Variants in ARHGEF7 observed in about 807,000 individuals in gnomAD.
The protein encoded by ARHGEF7 is Rho guanine nucleotide exchange factor 7, also known as PAK-interacting exchange factor beta.
Under a neutral mutation model 109.8 loss-of-function variants are expected in ARHGEF7, and 33 were observed. The observed-to-expected ratio is 0.30, with a 90% CI of 0.23 to 0.40. ARHGEF7 has a LOEUF of 0.40. Ranked by LOEUF, ARHGEF7 falls within the 10% of genes least tolerant of loss-of-function variation. The pLI is 1.00. For synonymous variants in ARHGEF7, 458 were observed against 424.6 expected (o/e 1.08, Z -0.97); for missense variants, 938 against 1,098.5 (o/e 0.85, Z 2.07).
chr13:111,171,103 A>G (rs1287334428), intron 2 of ARHGEF7, among the ~76,000 whole-genome samples: 1 of 152,262 alleles, frequency 6.6e-6, no homozygotes, highest in Non-Finnish European at 1.5e-5. Context: ...CTCAAATGAA[A>G]GAACTGGCTT....
intron 1 of ARHGEF7, among the ~76,000 whole-genome samples, chr13:111,124,705 G>A (rs774921812): frequency 1.1e-4 from 17 of 152,162 alleles, no homozygotes; most frequent in Non-Finnish European, 2.4e-4. Flanking sequence ...CCCATCCTCC[G>A]TCTGCTCCCT....
intron 19 of ARHGEF7, chr13:111,294,475 T>A (rs2093380106): frequency 1.0e-6 from 1 of 985,370 alleles, no homozygotes; most frequent in South Asian, 4.7e-5. Flanking sequence ...CACCAAAGTT[T>A]TGACGGTTTA....
chr13:111,261,767 A>G (rs900575937), intron 8 of ARHGEF7, among the ~76,000 whole-genome samples: 1 of 152,256 alleles, frequency 6.6e-6, no homozygotes, highest in Non-Finnish European at 1.5e-5. Flanking sequence ...AATTTTATCA[A>G]GATTCTTCTG....
intron 4 of ARHGEF7, among the ~76,000 whole-genome samples, chr13:111,213,325 C>G (rs1346513081): frequency 1.3e-5 from 2 of 152,170 alleles, no homozygotes. Flanking sequence ...GGGGAACTGT[C>G]TTCACTCCCC....
rs200352471 is a variant in ARHGEF7, at chr13:111,128,303, AATTGT to A, written c.165+12615_165+12619del. On this transcript the variant is annotated intron_variant, in intron 1 of 21. Transcript: ENST00000646102. Reference sequence around the variant, plus strand: ...GTGTAGACTATATGATTGTGTAGGAAATTGTATAGGATCTACAAAATAGCTACTAG... The same window carrying A: ...GTGTAGACTATATGATTGTGTAGGAAATAGGATCTACAAAATAGCTACTAG... Among the ~76,000 whole-genome samples the A allele has an allele frequency of 9.1e-3, 1,389 of 152,322 alleles. 21 individuals carry two copies. Among genetic ancestry groups the A allele is most frequent in the African/African-American group, 0.027 (1,102 of 41,564 alleles).
intron 1 of ARHGEF7, among the ~76,000 whole-genome samples, chr13:111,141,447 G>C (rs2075344594): frequency 6.6e-6 from 1 of 152,104 alleles, no homozygotes; most frequent in Non-Finnish European, 1.5e-5. Context: ...AGCTATGGGG[G>C]AAGTGTCGCA....
chr13:111,159,396 T>C (rs1161002240), intron 2 of ARHGEF7, among the ~76,000 whole-genome samples: 2 of 152,210 alleles, frequency 1.3e-5, no homozygotes, highest in Non-Finnish European at 2.9e-5. Context: ...TTTGGCTATA[T>C]ACCCAGTAGT....
intron 8 of ARHGEF7, among the ~76,000 whole-genome samples, chr13:111,261,109 A>G (rs1455234031): frequency 3.3e-5 from 5 of 152,206 alleles, no homozygotes; most frequent in Admixed American, 3.3e-4. Flanking sequence ...ACAAATGACA[A>G]AATGGCAAGA....
chr13:111,273,739 G>T lies in ARHGEF7; in HGVS notation c.1074-75G>T. The T allele has an allele frequency of 3.2e-6, 5 of 1,582,628 alleles. No homozygotes were observed. Among genetic ancestry groups the T allele is most frequent in the Non-Finnish European group, 4.3e-6 (5 of 1,154,140 alleles). ...TTATGTTTCATAAATTCTGGCTGTTGCTCATGGAGATGAGAGAGCCACCAT... is the reference window on the plus strand; with the variant it reads ...TTATGTTTCATAAATTCTGGCTGTTTCTCATGGAGATGAGAGAGCCACCAT... On this transcript the variant is annotated intron_variant, in intron 9 of 21. Coordinates refer to ENST00000646102, the MANE Select transcript of ARHGEF7 (RefSeq NM_001354046.2). The surrounding 1 kb of genome is among the most constrained non-coding windows in gnomAD (Gnocchi z 4.5).
intron 2 of ARHGEF7, among the ~76,000 whole-genome samples, chr13:111,183,142 A>G (rs1275500711): frequency 1.3e-5 from 2 of 152,206 alleles, no homozygotes; most frequent in African/African-American, 2.4e-5. Flanking sequence ...CAAGGTGTAA[A>G]TAGTCAAGAG....
intron 2 of ARHGEF7, among the ~76,000 whole-genome samples, chr13:111,168,861 G>A (rs920321841): frequency 6.6e-6 from 1 of 152,234 alleles, no homozygotes; most frequent in African/African-American, 2.4e-5. Context: ...AAGTGTTTAT[G>A]GAAGCCAGGA....
intron 9 of ARHGEF7, among the ~76,000 whole-genome samples, chr13:111,268,546 TCGTCA>T (rs2091871113): frequency 6.6e-6 from 1 of 152,238 alleles, no homozygotes; most frequent in African/African-American, 2.4e-5. Context: ...ACTGAAAGCC[TCGTCA>T]GTGAACAGGT....
chr13:111,217,640 C>A, intron 4 of ARHGEF7, 39 bp from the exon 5 acceptor site: 1 of 1,544,624 alleles, frequency 6.5e-7, no homozygotes. Flanking sequence ...GTAGACTGTT[C>A]TTGGTATAAT....
intron 19 of ARHGEF7, among the ~76,000 whole-genome samples, chr13:111,298,143 A>G (rs960521593): frequency 3.3e-5 from 5 of 152,236 alleles, no homozygotes; most frequent in African/African-American, 1.2e-4. Context: ...AAGTGAAGCC[A>G]TTTGATTTCT....
At chr13:111,281,485 G>A (rs1046535169) in intron 15 of ARHGEF7, among the ~76,000 whole-genome samples, 1 of 152,100 alleles carries the variant, frequency 6.6e-6, no homozygotes, top group African/African-American at 2.4e-5. Context: ...AGCTCAAGAA[G>A]GATTGCTGTA....
intron 1 of ARHGEF7, among the ~76,000 whole-genome samples, chr13:111,123,696 G>A (rs1485517541): frequency 2.6e-5 from 4 of 152,286 alleles, no homozygotes; most frequent in Middle Eastern, 3.4e-3. Flanking sequence ...TCTATTGAGT[G>A]CATACTGTAT....
intron 3 of ARHGEF7, among the ~76,000 whole-genome samples, chr13:111,208,143 C>T (rs966653257): frequency 7.2e-5 from 11 of 152,204 alleles, no homozygotes; most frequent in East Asian, 1.9e-4. Flanking sequence ...TGGATTCAAG[C>T]GATTCTCCTG....
chr13:111,244,170 A>T, intron 7 of ARHGEF7, 29 bp from the exon 8 acceptor site: 1 of 1,488,074 alleles, frequency 6.7e-7, no homozygotes, highest in Non-Finnish European at 9.3e-7. Flanking sequence ...CTGTTTACAT[A>T]TGTTTACTGT....
At chr13:111,213,104 A>T (rs1352301402) in intron 4 of ARHGEF7, among the ~76,000 whole-genome samples, 1 of 152,124 alleles carries the variant, frequency 6.6e-6, no homozygotes, top group African/African-American at 2.4e-5. Context: ...AGCACTCCAG[A>T]GTGTCCTGGT....
Sources: gnomAD v4.1 joint callset for allele counts (sites outside exome capture counted in the v4.1 genomes callset) on GRCh38, gnomAD v4.1.1 for gene constraint, Gnocchi (gnomAD v3.1) non-coding constraint, MANE v1.5 for transcripts, NCBI Gene and HGNC (gene_info 2026-07-23, HGNC 2026-07-21) for gene names.